PPP2R5A: variants seen among roughly 807,000 people sequenced by gnomAD.
PPP2R5A encodes serine/threonine-protein phosphatase 2A 56 kDa regulatory subunit alpha isoform.
Under a neutral mutation model 64.2 loss-of-function variants are expected in PPP2R5A, and 25 were observed. The observed-to-expected ratio is 0.39, with a 90% CI of 0.28 to 0.54. The LOEUF (loss-of-function observed/expected upper bound fraction) is 0.54. PPP2R5A is among the 20% of genes least tolerant of loss of function. The pLI is 0.67. For missense variants in PPP2R5A, 425 were observed against 576.3 expected, an observed-to-expected ratio of 0.74 and a Z score of 2.69; for synonymous variants, 198 against 201.2, an observed-to-expected ratio of 0.98 and a Z score of 0.13.
intron 1 of PPP2R5A, chr1:212,309,018 T>C (rs193108755): frequency 0.035 from 25,686 of 743,616 alleles, 593 homozygotes; most frequent in Non-Finnish European, 0.046. Context: ...TGAAAAGATA[T>C]ATATATATAT....
chr1:212,361,257 G>C lies in PPP2R5A; in HGVS notation c.*487G>C, dbSNP rs1451716690. The C allele has an allele frequency of 5.9e-5, 9 of 152,502 alleles. No homozygotes were observed. The highest frequency in any genetic ancestry group is 1.2e-4 in the Non-Finnish European group (8 of 68,056). 9.4% of individuals were successfully genotyped at this position (152,502 alleles called of 1,614,324 possible). On this transcript the variant is annotated 3_prime_UTR_variant, in exon 13 of 13. Transcript: ENST00000261461. Reference sequence around the variant, plus strand: ...TGTCTCACCCAGAAATATGATGGGGGGAATTACCTGCCCTAACCCCTCCCT... The same window carrying C: ...TGTCTCACCCAGAAATATGATGGGGCGAATTACCTGCCCTAACCCCTCCCT...
chr1:212,287,395 T>C (rs2102408132), intron 1 of PPP2R5A, among the ~76,000 whole-genome samples: 1 of 152,344 alleles, frequency 6.6e-6, no homozygotes, highest in Middle Eastern at 3.4e-3. Flanking sequence ...TCAAGGCCAG[T>C]CTGGTTCTCA....
At position 212,285,995 on chromosome 1, in the gene PPP2R5A, C is replaced by T; in HGVS notation, c.-116C>T. ...GTCCCGGGGCCGGAGGGCCGTGGGG[C>T]CGGGGCGCAGGGGCGCGAGCACCCC... On this transcript the variant is annotated 5_prime_UTR_variant, in exon 1 of 13. Coordinates refer to ENST00000261461, the MANE Select transcript of PPP2R5A (RefSeq NM_006243.4). 3.6e-6 allele frequency: 4 copies of T among 1,123,238 alleles called. No homozygotes were observed. The highest frequency in any genetic ancestry group is 2.3e-5 in the South Asian group (1 of 43,832). The allele number at this position is 1,123,238 out of a possible 1,614,324, so 69.6% of individuals were successfully genotyped here.
intron 1 of PPP2R5A, among the ~76,000 whole-genome samples, chr1:212,324,550 C>T (rs1168406020): frequency 6.6e-6 from 1 of 151,986 alleles, no homozygotes; most frequent in Non-Finnish European, 1.5e-5. Context: ...TATCTCAATC[C>T]ATTTAATTCT....
intron 8 of PPP2R5A, among the ~76,000 whole-genome samples, chr1:212,351,532 G>A (rs1659878859): frequency 1.3e-5 from 2 of 152,092 alleles, no homozygotes; most frequent in South Asian, 4.1e-4. Flanking sequence ...TGGCCAACAT[G>A]ATGAAACCCC....
intron 8 of PPP2R5A, among the ~76,000 whole-genome samples, chr1:212,352,306 G>T (rs1659900247): frequency 6.6e-6 from 1 of 151,820 alleles, no homozygotes; most frequent in Non-Finnish European, 1.5e-5. Flanking sequence ...TAGGATTACA[G>T]TTGTAAGCCA....
chr1:212,296,308 A>G (rs2102411964), intron 1 of PPP2R5A, among the ~76,000 whole-genome samples: 1 of 152,320 alleles, frequency 6.6e-6, no homozygotes, highest in East Asian at 1.9e-4. Context: ...AAACCCAGTT[A>G]TAAATATCAA....
chr1:212,318,270 T>G (rs985958506), intron 1 of PPP2R5A, among the ~76,000 whole-genome samples: 1 of 150,834 alleles, frequency 6.6e-6, no homozygotes. Context: ...AATTATGTAT[T>G]TAGCAAAGCA....
At chr1:212,357,916 C>T (rs983107218) in intron 11 of PPP2R5A, 1 of 152,380 alleles carries the variant, frequency 6.6e-6, no homozygotes, top group East Asian at 1.9e-4. Context: ...CCTGCCTCAG[C>T]CTCCCGAGTA....
chr1:212,346,928 A>T (rs778607899), intron 5 of PPP2R5A, among the ~76,000 whole-genome samples: 4 of 152,230 alleles, frequency 2.6e-5, no homozygotes, highest in African/African-American at 9.6e-5. Flanking sequence ...TTGGAAAGCT[A>T]TGCAGCCTAT....
intron 1 of PPP2R5A, chr1:212,301,801 T>C: frequency 8.9e-7 from 1 of 1,125,052 alleles, no homozygotes; most frequent in Non-Finnish European, 1.1e-6. Context: ...TATTGCTGGG[T>C]TGCTATGATA....
intron 5 of PPP2R5A, among the ~76,000 whole-genome samples, chr1:212,347,115 T>G (rs1232804394): frequency 6.6e-6 from 1 of 152,252 alleles, no homozygotes; most frequent in Non-Finnish European, 1.5e-5. Flanking sequence ...CAATCTGTTA[T>G]CTTCACATAT....
intron 11 of PPP2R5A, 169 bp downstream of exon 11, chr1:212,357,453 T>G (rs935167265): frequency 3.7e-5 from 21 of 562,722 alleles, no homozygotes; most frequent in African/African-American, 5.9e-5. Flanking sequence ...CTTTATCAAG[T>G]TATAAATGTG....
At position 212,356,913 on chromosome 1, in the gene PPP2R5A, T is replaced by G. The variant is rs766571199; in HGVS notation, c.979-37T>G. 2.1e-6 allele frequency: 3 copies of G among 1,450,628 alleles called. No individual in the cohort carries two copies. The Admixed American group carries it at 6.8e-5, about 33-fold the overall frequency. The allele number at this position is 1,450,628 out of a possible 1,614,324, so 89.9% of individuals were successfully genotyped here. ...GGTTTCTATATTAGTTTCACATAATTTATCATGTTTCTTAAAATAAAATTT... is the reference window on the plus strand; with the variant it reads ...GGTTTCTATATTAGTTTCACATAATGTATCATGTTTCTTAAAATAAAATTT... On this transcript the variant is annotated intron_variant, in intron 9 of 12. Coordinates refer to ENST00000261461, the MANE Select transcript of PPP2R5A (RefSeq NM_006243.4).
Position 212,345,897 on chromosome 1 carries a change from C to G in PPP2R5A, c.668C>G (p.Ala223Gly), listed in dbSNP as rs757601495. ...TATGGGAAATTTCTTGGATTAAGAGCATTCATCAGAAAACAAATTAACAAC... is the reference window on the plus strand; with the variant it reads ...TATGGGAAATTTCTTGGATTAAGAGGATTCATCAGAAAACAAATTAACAAC... ...RIYGKFLGLR[A>G]FIRKQINNIF... is the part of the protein sequence containing the mutation. The change falls in exon 5 of 13, where the codon GCA (alanine) becomes GGA (glycine). Residue 223 changes from alanine (A) to glycine (G), a missense_variant. Ala to Gly is a moderately conservative substitution (Grantham distance 60, BLOSUM62 0). Coordinates refer to ENST00000261461, the MANE Select transcript of PPP2R5A (RefSeq NM_006243.4). The G allele has an allele frequency of 2.1e-5, 34 of 1,608,386 alleles. No homozygotes were observed. The East Asian group carries it at 7.2e-4, about 34-fold the overall frequency.
intron 1 of PPP2R5A, chr1:212,309,245 C>CT: frequency 6.7e-7 from 1 of 1,482,676 alleles, no homozygotes; most frequent in Non-Finnish European, 9.3e-7. Flanking sequence ...GTATTGTTGT[C>CT]TTCTATCTTC....
At chr1:212,338,198 A>G (rs747335940) in intron 3 of PPP2R5A, among the ~76,000 whole-genome samples, 3 of 152,176 alleles carry the variant, frequency 2.0e-5, no homozygotes, top group South Asian at 2.1e-4. Flanking sequence ...CCAGAATTCT[A>G]TGTTTTATGT....
chr1:212,303,835 T>G (rs72752385), intron 1 of PPP2R5A, among the ~76,000 whole-genome samples: 4,311 of 152,302 alleles, frequency 0.028, 92 homozygotes, highest in Middle Eastern at 0.061. Context: ...TTGTTGAAAA[T>G]TAGCACATGG....
chr1:212,360,743 T>C lies in PPP2R5A; in HGVS notation c.1434T>C (p.Ser478=). The C allele has an allele frequency of 6.4e-7, 1 of 1,563,988 alleles. No homozygotes were observed. Among genetic ancestry groups the C allele is most frequent in the Non-Finnish European group, 8.6e-7 (1 of 1,161,306 alleles). The change falls in exon 13 of 13, where the codon AGT becomes AGC. Residue 478 remains serine (S), a synonymous_variant. Transcript: ENST00000261461. The part of the protein sequence containing the change: ...EKQNSAYNMH[S]ILSNTSAE ...AGAATAGTGCTTACAACATGCACAG[T>C]ATTCTCAGCAATACAAGTGCCGAAT...
Sources: allele counts gnomAD v4.1 joint callset (sites outside exome capture counted in the v4.1 genomes callset), GRCh38; gene constraint gnomAD v4.1.1; transcripts MANE v1.5; gene names NCBI Gene and HGNC (gene_info 2026-07-23, HGNC 2026-07-21).